The following MFN1 variants were observed in gnomAD, a reference collection of about 807,000 sequenced individuals.
The protein encoded by MFN1 is mitofusin-1.
MFN1 carries 65 observed loss-of-function variants against 92.4 expected under a neutral mutation model. The observed-to-expected ratio is 0.70, with a 90% confidence interval of 0.58 to 0.86. MFN1 has a LOEUF of 0.86. Ranked by LOEUF, MFN1 falls within the 40% of genes least tolerant of loss-of-function variation. The pLI is 0.00. For synonymous variants in MFN1, 297 were observed against 300.9 expected (o/e 0.99, Z 0.13); for missense variants, 781 against 868.0 (o/e 0.90, Z 1.26).
chr3:179,367,582 G>T lies in MFN1; in HGVS notation c.897G>T (p.Met299Ile), dbSNP rs1314106465. The stretch of plus-strand genomic sequence containing the variant: ...CTAGAAAGCAAAAAGCACAGGGGAT[G>T]CCAGAAAGTGGTATGCATTACCTAT... ...LSARKQKAQG[M>I]PESGVALAEG... The change falls in exon 8 of 18, where the codon ATG becomes ATT. Residue 299 changes from methionine (M) to isoleucine (I), a missense_variant. By Grantham distance (10) the Met-to-Ile change is conservative. Transcript: ENST00000471841. 6 of 1,608,910 alleles carry T rather than the reference G, an allele frequency of 3.7e-6. No homozygotes were observed. The highest frequency in any genetic ancestry group is 5.1e-6 in the Non-Finnish European group (6 of 1,178,442).
At chr3:179,388,998 G>A (rs1381246220) in intron 16 of MFN1, among the ~76,000 whole-genome samples, 1 of 152,150 alleles carries the variant, frequency 6.6e-6, no homozygotes, top group Non-Finnish European at 1.5e-5. Flanking sequence ...AGATAACTTT[G>A]CAGTAGTATT....
Position 179,383,551 on chromosome 3 carries a change from C to G in MFN1, c.1663-2018C>G, listed in dbSNP as rs536269143. On this transcript the variant is annotated intron_variant, in intron 14 of 17. Coordinates refer to ENST00000471841, the MANE Select transcript of MFN1 (RefSeq NM_033540.3). ...TTGGCTTAGGATTGACTTGGCAATGCGGGCTCTTTTTTGGTTCCATATGAA... is the reference window on the plus strand; with the variant it reads ...TTGGCTTAGGATTGACTTGGCAATGGGGGCTCTTTTTTGGTTCCATATGAA... Among the ~76,000 whole-genome samples the G allele has an allele frequency of 5.9e-5, 9 of 152,220 alleles. No individual in the cohort carries two copies. The South Asian group carries it at 1.9e-3, about 32-fold the overall frequency.
chr3:179,363,152 G>A (rs540014707), intron 5 of MFN1, among the ~76,000 whole-genome samples: 1 of 152,266 alleles, frequency 6.6e-6, no homozygotes, highest in East Asian at 1.9e-4. Flanking sequence ...CACCTAGGCT[G>A]GAGTACAGTG....
At chr3:179,371,022 CTTT>C (rs1192139237) in intron 9 of MFN1, among the ~76,000 whole-genome samples, 1 of 151,946 alleles carries the variant, frequency 6.6e-6, no homozygotes, top group Admixed American at 6.6e-5. Flanking sequence ...GATTTGCTTA[CTTT>C]TTTTTGTAGT....
At chr3:179,358,803 T>TA (rs747734360) in intron 3 of MFN1, 37 bp from the exon 4 acceptor site, 39 of 1,580,400 alleles carry the variant, frequency 2.5e-5, no homozygotes, top group Non-Finnish European at 3.1e-5. Flanking sequence ...TTTTTTACTG[T>TA]TATGTTTTGT....
rs1712746164 is a variant in MFN1 at position 179,365,326 on chromosome 3, A to G, written c.753+101A>G. 4.5e-6 allele frequency: 3 copies of G among 668,376 alleles called. No individual in the cohort carries two copies. In the East Asian group the frequency reaches 1.0e-4, roughly 23 times the overall value. The allele number at this position is 668,376 out of a possible 1,614,324, so 41.4% of individuals were successfully genotyped here. A position where few individuals can be genotyped will look rare whatever the true frequency, so the allele number is the denominator to read the frequency against. On this transcript the variant is annotated intron_variant, in intron 7 of 17. Coordinates refer to ENST00000471841, the MANE Select transcript of MFN1 (RefSeq NM_033540.3). ...TATAGAATAGAAAATTATAAGAGCT[A>G]TTCCATGAAAAGAAGATAGTTAGAG... is the stretch of plus-strand genomic sequence containing the variant.
At chr3:179,374,729 CAATG>C (rs1263583713) in intron 9 of MFN1, among the ~76,000 whole-genome samples, 1 of 152,036 alleles carries the variant, frequency 6.6e-6, no homozygotes, top group Non-Finnish European at 1.5e-5. Context: ...CATTTTAACT[CAATG>C]AAGTCCTTTT....
rs527834412 is a variant in MFN1, at chr3:179,387,043, G to A, written c.2012+414G>A. 5.3e-4 allele frequency among the ~76,000 whole-genome samples: 80 copies of A among 151,930 alleles called. 1 individual carries two copies. The highest frequency in any genetic ancestry group is 1.8e-3 in the African/African-American group (74 of 41,428). ...TGATCTTACTGCCTCAGCCTCCCAC[G>A]TAGCTGGGACCACAGGTGTGTGCCA... On this transcript the variant is annotated intron_variant, in intron 16 of 17. Coordinates refer to ENST00000471841, the MANE Select transcript of MFN1 (RefSeq NM_033540.3).
In MFN1 at chr3:179,392,197, G is replaced by A. The variant is rs1034055195; in HGVS notation, c.*138G>A. The A allele has an allele frequency of 1.7e-6, 1 of 596,348 alleles. No individual in the cohort carries two copies. The highest frequency in any genetic ancestry group is 3.0e-6 in the Non-Finnish European group (1 of 331,948). The allele number at this position is 596,348 out of a possible 1,614,324, so 36.9% of individuals were successfully genotyped here. ...ATAGCAAAGCCCTGTGTAGATTCTG[G>A]TAATGATCTGTCTCAGGGTATGTGT... On this transcript the variant is annotated 3_prime_UTR_variant, in exon 18 of 18. Transcript: ENST00000471841.
At position 179,377,108 on chromosome 3, in the gene MFN1, C is replaced by A; in HGVS notation, c.1164C>A (p.Asn388Lys). 1 of 1,613,614 alleles carries A rather than the reference C, an allele frequency of 6.2e-7. No homozygotes were observed. The highest frequency in any genetic ancestry group is 8.5e-7 in the Non-Finnish European group (1 of 1,179,814). Reference sequence around the variant, plus strand: ...TGGACTTTATTCGAAACCAGATGAACCTTTTAACACTGGATGTTAAGAAAA... The same window carrying A: ...TGGACTTTATTCGAAACCAGATGAAACTTTTAACACTGGATGTTAAGAAAA... ...DRLDFIRNQM[N>K]LLTLDVKKKI... The change falls in exon 11 of 18, where the codon AAC (asparagine) becomes AAA (lysine). Residue 388 changes from asparagine (N) to lysine (K), a missense_variant. Coordinates refer to ENST00000471841, the MANE Select transcript of MFN1 (RefSeq NM_033540.3).
At chr3:179,348,326 T>G (rs1712001979) in intron 1 of MFN1, among the ~76,000 whole-genome samples, 2 of 152,256 alleles carry the variant, frequency 1.3e-5, no homozygotes, top group Non-Finnish European at 2.9e-5. Flanking sequence ...TTTCTTAAAC[T>G]TATAGTCCTT....
At chr3:179,363,494 A>ATTTT (rs766420716) in intron 5 of MFN1, among the ~76,000 whole-genome samples, 2 of 146,000 alleles carry the variant, frequency 1.4e-5, no homozygotes, top group Non-Finnish European at 3.0e-5. Context: ...TTACCACGTG[A>ATTTT]TTTTTTTTTT....
At chr3:179,377,248 C>CT in intron 11 of MFN1, 80 bp downstream of exon 11, 1 of 1,531,970 alleles carries the variant, frequency 6.5e-7, no homozygotes, top group Non-Finnish European at 8.8e-7. Context: ...ATTCCTGTTA[C>CT]TTTAAAAGAA....
chr3:179,363,748 C>A (rs1712673973), intron 5 of MFN1, among the ~76,000 whole-genome samples: 1 of 152,050 alleles, frequency 6.6e-6, no homozygotes, highest in Non-Finnish European at 1.5e-5. Context: ...CTTGGCATCC[C>A]AAAATGCTAG....
rs372870468 is a variant in MFN1, at chr3:179,371,503, T to C, written c.975+3400T>C. ...CAACCTGTGTGACAGAGTGAGACTC[T>C]CTTTTCTTTCAAAAAAAAGGAAGAA... is the stretch of plus-strand genomic sequence containing the variant. On this transcript the variant is annotated intron_variant, in intron 9 of 17. Transcript: ENST00000471841. Among the ~76,000 whole-genome samples, 6 of 152,346 alleles carry C rather than the reference T, an allele frequency of 3.9e-5. 2 individuals carry two copies. Among genetic ancestry groups the C allele is most frequent in the South Asian group, 2.1e-4 (1 of 4,830 alleles).
Position 179,390,150 on chromosome 3 carries a change from TTTC to T in MFN1, c.2147+17_2147+19del, listed in dbSNP as rs1356933196. The T allele has an allele frequency of 6.5e-7, 1 of 1,528,350 alleles. No individual in the cohort carries two copies. Among genetic ancestry groups the T allele is most frequent in the African/African-American group, 1.4e-5 (1 of 70,366 alleles). The allele number at this position is 1,528,350 out of a possible 1,614,324, so 94.7% of individuals were successfully genotyped here. ...TCAAAGCTCTTAAGGTATTTAAACC[TTTC>T]TTCTCAATAATTTGAACATTTACTG... On this transcript the variant is annotated intron_variant, in intron 17 of 17. Transcript: ENST00000471841.
intron 9 of MFN1, among the ~76,000 whole-genome samples, chr3:179,372,746 A>T (rs1713072664): frequency 6.6e-6 from 1 of 152,134 alleles, no homozygotes; most frequent in African/African-American, 2.4e-5. Flanking sequence ...TTATCTACAA[A>T]TTTGGATCTT....
intron 4 of MFN1, 54 bp downstream of exon 4, chr3:179,359,056 T>C: frequency 6.8e-7 from 1 of 1,462,850 alleles, no homozygotes; most frequent in South Asian, 1.6e-5. Context: ...GTCCTGAACT[T>C]ATTCTTTAAT....
intron 2 of MFN1, 142 bp downstream of exon 2, chr3:179,349,105 C>T: frequency 1.8e-6 from 1 of 545,568 alleles, no homozygotes; most frequent in African/African-American, 1.9e-5. Context: ...AAACCCCTTT[C>T]TAACCTCCAG....
Sources: gnomAD v4.1 joint callset for allele counts (sites outside exome capture counted in the v4.1 genomes callset) on GRCh38, gnomAD v4.1.1 for gene constraint, MANE v1.5 for transcripts, NCBI Gene and HGNC (gene_info 2026-07-23, HGNC 2026-07-21) for gene names.